Variants in PIK3R6 observed in about 807,000 individuals in gnomAD.
PIK3R6 encodes the protein phosphoinositide 3-kinase regulatory subunit 6.
Under a neutral mutation model 84.9 loss-of-function variants are expected in PIK3R6, and 91 were observed. The ratio of observed to expected loss-of-function variants is 1.07; its 90% CI spans 0.90 to 1.28. PIK3R6 has a LOEUF of 1.28. PIK3R6 is among the 50% of genes most tolerant of loss of function. The pLI is 0.00. For synonymous variants in PIK3R6, 416 were observed against 411.4 expected (o/e 1.01, Z -0.13); for missense variants, 996 against 985.1 (o/e 1.01, Z -0.15).
intron 1 of PIK3R6, among the ~76,000 whole-genome samples, chr17:8,860,721 C>T (rs577498847): frequency 2.6e-5 from 4 of 152,236 alleles, no homozygotes; most frequent in South Asian, 2.1e-4. Context: ...CCCACAATCT[C>T]GTGTGGCAAC....
At chr17:8,835,489 T>C (rs776123435) in intron 7 of PIK3R6, 33 bp from the exon 8 acceptor site, 2 of 1,504,832 alleles carry the variant, frequency 1.3e-6, no homozygotes, top group South Asian at 2.6e-5. Context: ...GAGGTGGGAT[T>C]GATAGTAACT....
chr17:8,857,086 A>G (rs2089159761), intron 1 of PIK3R6, among the ~76,000 whole-genome samples: 1 of 147,674 alleles, frequency 6.8e-6, no homozygotes, highest in Non-Finnish European at 1.5e-5. Flanking sequence ...CCTGTCCAAA[A>G]TAGCCCTCCC....
At chr17:8,867,460 C>T (rs768108088) in intron 1 of PIK3R6, 69 bp downstream of exon 1, 4 of 232,688 alleles carry the variant, frequency 1.7e-5, no homozygotes, top group South Asian at 1.1e-4. Flanking sequence ...CAGGTCCCTC[C>T]GTTCCACCCC....
intron 3 of PIK3R6, among the ~76,000 whole-genome samples, chr17:8,838,914 G>A (rs546224160): frequency 4.6e-5 from 7 of 152,252 alleles, no homozygotes; most frequent in Non-Finnish European, 7.3e-5. Flanking sequence ...GGGGACAGGT[G>A]TGTGACAGGT....
chr17:8,849,710 C>G, intron 2 of PIK3R6, 72 bp downstream of exon 2: 1 of 1,524,488 alleles, frequency 6.6e-7, no homozygotes, highest in Non-Finnish European at 8.8e-7. Context: ...CTAGAGGCAT[C>G]CTCACCCATG....
At chr17:8,836,664 C>T (rs1026094669) in intron 6 of PIK3R6, 48 bp from the exon 7 acceptor site, 3 of 1,613,576 alleles carry the variant, frequency 1.9e-6, no homozygotes, top group Admixed American at 1.7e-5. Context: ...TCTCTGACTC[C>T]CATTCTCCAC....
At chr17:8,841,265 A>T (rs192621467) in intron 2 of PIK3R6, among the ~76,000 whole-genome samples, 9 of 151,974 alleles carry the variant, frequency 5.9e-5, no homozygotes, top group Non-Finnish European at 1.3e-4. Context: ...CCTTGACCAA[A>T]CCTTACTCAG....
intron 2 of PIK3R6, among the ~76,000 whole-genome samples, chr17:8,848,016 G>A (rs956965372): frequency 6.6e-6 from 1 of 152,134 alleles, no homozygotes; most frequent in Admixed American, 6.5e-5. Context: ...CTTGGTGTGG[G>A]CACAGGACCA....
chr17:8,804,003 G>T, intron 19 of PIK3R6, 38 bp downstream of exon 19: 1 of 1,550,430 alleles, frequency 6.4e-7, no homozygotes, highest in Non-Finnish European at 8.9e-7. Flanking sequence ...TTTGTCCCAC[G>T]GGCCCTGGAC....
Position 8,839,490 on chromosome 17 carries a change from T to G in PIK3R6, c.97+124A>C. On this transcript the variant is annotated intron_variant, in intron 3 of 19. Coordinates refer to ENST00000619866, the MANE Select transcript of PIK3R6 (RefSeq NM_001010855.4). This position sits in a 1 kb window ranked among gnomAD's most constrained non-coding sequence, Gnocchi z 4.2. ...CTAGGTATTTCCAGCAGGAAAGGGG[T>G]TTGGTGAGACGACCCTTGCCCCCTG... 1 of 667,744 alleles carries G rather than the reference T, an allele frequency of 1.5e-6. No homozygotes were observed. The highest frequency in any genetic ancestry group is 2.5e-6 in the Non-Finnish European group (1 of 402,536). 41.4% of individuals were successfully genotyped at this position (667,744 alleles called of 1,614,324 possible).
chr17:8,860,455 C>T (rs1213245788), intron 1 of PIK3R6, among the ~76,000 whole-genome samples: 1 of 134,942 alleles, frequency 7.4e-6, no homozygotes, highest in Non-Finnish European at 1.6e-5. Context: ...CCAGCCCCAG[C>T]CCCCTTCCCC....
chr17:8,828,668 C>T lies in PIK3R6; in HGVS notation c.1212G>A (p.Gly404=), dbSNP rs578130913. 3.8e-5 allele frequency: 62 copies of T among 1,612,788 alleles called. 1 individual carries two copies. In the South Asian group the frequency reaches 6.7e-4, roughly 17 times the overall value. The change falls in exon 11 of 20, where the codon GGG becomes GGA. Residue 404 remains glycine (G), a synonymous_variant. Coordinates refer to ENST00000619866, the MANE Select transcript of PIK3R6 (RefSeq NM_001010855.4). ...GCCGGGACACGCCGGGCAGCATTTC[C>T]CCATCCCCACTGGGCCGGCCTGTCC... ...HRRTGRPSGD[G]EMLPGVSRLH... is the part of the protein sequence containing the mutation.
rs1023526185 is a variant in PIK3R6, at chr17:8,849,855, A to T, written c.-61T>A. The stretch of plus-strand genomic sequence containing the variant: ...TGTCTCGGGCAGCAGAATAGAGAAC[A>T]AGGTGGTTGCTTTTCTGCACAGAGG... On this transcript the variant is annotated 5_prime_UTR_variant, in exon 2 of 20. Coordinates refer to ENST00000619866, the MANE Select transcript of PIK3R6 (RefSeq NM_001010855.4). The T allele has an allele frequency of 2.5e-6, 4 of 1,594,116 alleles. No homozygotes were observed. Among genetic ancestry groups the T allele is most frequent in the Non-Finnish European group, 3.4e-6 (4 of 1,170,302 alleles).
rs140515501 is a variant in PIK3R6 at position 8,838,324 on chromosome 17, T to C, written c.189+240A>G. On this transcript the variant is annotated intron_variant, in intron 4 of 19. Transcript: ENST00000619866. ...CTGTTTCTGACAAGTGATGCGGGTT[T>C]TCCATTTGTGGTCGCGTTATAGTGC... 5.5e-3 allele frequency: 2,683 copies of C among 490,600 alleles called. 16 individuals carry two copies. The highest frequency in any genetic ancestry group is 8.0e-3 in the Non-Finnish European group (2,171 of 271,532). 30.4% of individuals were successfully genotyped at this position (490,600 alleles called of 1,614,324 possible).
Position 8,867,596 on chromosome 17 carries a change from TC to T in PIK3R6, c.-160del, listed in dbSNP as rs1200921883. ...CAACTCCCCACGGTCCTGAGCGAGG[TC>T]CCCAGTCCCAGAGAAGCAGATGTCT... is the stretch of plus-strand genomic sequence containing the variant. On this transcript the variant is annotated 5_prime_UTR_variant, in exon 1 of 20. Coordinates refer to ENST00000619866, the MANE Select transcript of PIK3R6 (RefSeq NM_001010855.4). The T allele has an allele frequency of 3.9e-6, 2 of 511,958 alleles. No individual in the cohort carries two copies. Among genetic ancestry groups the T allele is most frequent in the Admixed American group, 3.9e-5 (2 of 51,274 alleles). The allele number at this position is 511,958 out of a possible 1,614,324, so 31.7% of individuals were successfully genotyped here. A position where few individuals can be genotyped will look rare whatever the true frequency, so the allele number is the denominator to read the frequency against.
Position 8,803,262 on chromosome 17 carries a change from T to C in PIK3R6, c.*11A>G. 1.2e-6 allele frequency: 2 copies of C among 1,612,048 alleles called. No individual in the cohort carries two copies. The highest frequency in any genetic ancestry group is 1.7e-6 in the Non-Finnish European group (2 of 1,179,734). ...TGTATCCTTCCTCCTGGGCCTGCTG[T>C]CCCTGCAGGCTCACTGGACAATACC... On this transcript the variant is annotated 3_prime_UTR_variant, in exon 20 of 20. Coordinates refer to ENST00000619866, the MANE Select transcript of PIK3R6 (RefSeq NM_001010855.4). The surrounding 1 kb of genome is among the most constrained non-coding windows in gnomAD (Gnocchi z 5.0).
intron 2 of PIK3R6, among the ~76,000 whole-genome samples, chr17:8,847,032 T>C (rs2088830503): frequency 6.6e-6 from 1 of 152,218 alleles, no homozygotes. Flanking sequence ...CTTAATCCTC[T>C]GACATTTGGG....
intron 17 of PIK3R6, among the ~76,000 whole-genome samples, chr17:8,820,894 T>A (rs1265240545): frequency 6.6e-6 from 1 of 152,242 alleles, no homozygotes; most frequent in African/African-American, 2.4e-5. Flanking sequence ...CTCATGAGCA[T>A]TCCAGCCTGG....
chr17:8,851,462 A>G (rs1402021214), intron 1 of PIK3R6, among the ~76,000 whole-genome samples: 1 of 152,186 alleles, frequency 6.6e-6, no homozygotes, highest in Non-Finnish European at 1.5e-5. Flanking sequence ...GCGCCACTGC[A>G]CTCCAGCCTG....
Sources: allele counts gnomAD v4.1 joint callset (sites outside exome capture counted in the v4.1 genomes callset), GRCh38; gene constraint gnomAD v4.1.1; non-coding constraint Gnocchi (gnomAD v3.1); transcripts MANE v1.5; gene names NCBI Gene and HGNC (gene_info 2026-07-23, HGNC 2026-07-21).